Variants in ANKRD44 observed in about 807,000 individuals in gnomAD.
ANKRD44 encodes the protein ankyrin repeat domain 44.
In ANKRD44, 35 loss-of-function variants were observed where a neutral mutation model predicts 116.0. That is an observed-to-expected ratio of 0.30 (90% CI 0.23 to 0.40). ANKRD44 has a LOEUF of 0.40. Among genes scored for constraint, ANKRD44 ranks in the 10% least tolerant of loss-of-function variants. The probability of loss-of-function intolerance (pLI) is 1.00; values close to 1 mark genes in which losing one functional copy is unlikely to be tolerated. For synonymous variants in ANKRD44, 435 were observed against 461.8 expected (o/e 0.94, Z 0.74); for missense variants, 1,014 against 1,242.6 (o/e 0.82, Z 2.77).
chr2:196,984,536 T>A, downstream of ANKRD44, among the ~76,000 whole-genome samples: 1 of 152,200 alleles, frequency 6.6e-6, no homozygotes, highest in South Asian at 2.1e-4. Flanking sequence ...CTGGAACACA[T>A]TAAGTGTGTT....
chr2:197,308,550 T>G (rs2084143994), intron 1 of ANKRD44, among the ~76,000 whole-genome samples: 1 of 152,152 alleles, frequency 6.6e-6, no homozygotes, highest in African/African-American at 2.4e-5. Flanking sequence ...GACTGGACAT[T>G]TTCAGAAGTT....
Position 197,098,316 on chromosome 2 carries a change from G to A in ANKRD44, c.1100+1500C>T, listed in dbSNP as rs1156373266. ...CATTATATCCTACCAATCTACCAGAGTGCTTCACAAAATTCATTTTAAGTC... is the reference window on the plus strand; with the variant it reads ...CATTATATCCTACCAATCTACCAGAATGCTTCACAAAATTCATTTTAAGTC... On this transcript the variant is annotated intron_variant, in intron 10 of 27. Transcript: ENST00000282272. Among the ~76,000 whole-genome samples, 7 of 152,174 alleles carry A rather than the reference G, an allele frequency of 4.6e-5. No individual in the cohort carries two copies. In the East Asian group the frequency reaches 1.2e-3, roughly 25 times the overall value.
intron 16 of ANKRD44, among the ~76,000 whole-genome samples, chr2:197,054,281 T>A (rs974032765): frequency 6.6e-6 from 1 of 152,170 alleles, no homozygotes; most frequent in African/African-American, 2.4e-5. Flanking sequence ...AAATTTATGA[T>A]CAACAAAGAA....
intron 16 of ANKRD44, among the ~76,000 whole-genome samples, chr2:197,037,572 T>C (rs2076831185): frequency 1.3e-5 from 2 of 152,250 alleles, no homozygotes; most frequent in Non-Finnish European, 2.9e-5. Context: ...ATTTGCTTGC[T>C]TGCTTTGACA....
chr2:197,078,219 T>G (rs2077714651), intron 16 of ANKRD44: 1 of 160,310 alleles, frequency 6.2e-6, no homozygotes, highest in Non-Finnish European at 1.4e-5. Flanking sequence ...AGCTGTGTCT[T>G]AAGTATATTT....
intron 3 of ANKRD44, among the ~76,000 whole-genome samples, chr2:197,140,240 C>T (rs2079327691): frequency 6.6e-6 from 1 of 152,130 alleles, no homozygotes; most frequent in African/African-American, 2.4e-5. Context: ...TAAAGTGTGC[C>T]GGTTCACACC....
chr2:197,075,493 T>C (rs1015470482), intron 16 of ANKRD44, among the ~76,000 whole-genome samples: 2 of 152,176 alleles, frequency 1.3e-5, no homozygotes, highest in African/African-American at 2.4e-5. Context: ...CAGCTCTCAG[T>C]ACATGTTTGT....
chr2:197,048,113 T>A (rs955031552), intron 16 of ANKRD44, among the ~76,000 whole-genome samples: 1 of 152,232 alleles, frequency 6.6e-6, no homozygotes, highest in African/African-American at 2.4e-5. Context: ...AAATATTTTA[T>A]GTGAAATTTT....
At chr2:197,064,949 A>G (rs1170984705) in intron 16 of ANKRD44, among the ~76,000 whole-genome samples, 1 of 152,190 alleles carries the variant, frequency 6.6e-6, no homozygotes, top group Non-Finnish European at 1.5e-5. Flanking sequence ...TGCACCAAGC[A>G]GACCTAATAG....
chr2:197,263,426 CT>C, intron 1 of ANKRD44: 1 of 577,776 alleles, frequency 1.7e-6, no homozygotes, highest in Non-Finnish European at 3.2e-6. Flanking sequence ...GCCAGGAACC[CT>C]TCTCTGAAAC....
At chr2:197,129,397 A>G (rs899849138) in intron 4 of ANKRD44, among the ~76,000 whole-genome samples, 2 of 152,078 alleles carry the variant, frequency 1.3e-5, no homozygotes, top group African/African-American at 4.8e-5. Context: ...AGCCTCCCAA[A>G]GTGCTGGGGT....
chr2:197,291,259 G>A (rs1249463453), intron 1 of ANKRD44, among the ~76,000 whole-genome samples: 2 of 151,442 alleles, frequency 1.3e-5, no homozygotes, highest in African/African-American at 2.4e-5. Context: ...CCTGTAATCC[G>A]AGCACTTTGG....
chr2:196,991,673 C>T lies in ANKRD44; in HGVS notation c.2923+1910G>A, dbSNP rs541999603. On this transcript the variant is annotated intron_variant, in intron 27 of 27. Transcript: ENST00000282272. ...TTGATTTTACTACAGCCTTGTCTTC[C>T]GGGCTCAAGCAATCCTCCCACCTCA... is the stretch of plus-strand genomic sequence containing the variant. 3.6e-4 allele frequency among the ~76,000 whole-genome samples: 55 copies of T among 152,044 alleles called. 1 individual carries two copies. In the South Asian group the frequency reaches 9.8e-3, roughly 27 times the overall value.
At chr2:197,139,342 A>G (rs1283758141) in intron 3 of ANKRD44, among the ~76,000 whole-genome samples, 1 of 152,254 alleles carries the variant, frequency 6.6e-6, no homozygotes, top group Non-Finnish European at 1.5e-5. Context: ...GGAAAGGAAC[A>G]GACTGAAGTT....
intron 16 of ANKRD44, among the ~76,000 whole-genome samples, chr2:197,062,858 G>A (rs985632181): frequency 3.0e-4 from 46 of 152,234 alleles, no homozygotes; most frequent in Admixed American, 5.2e-4. Flanking sequence ...AGCTCAAGGA[G>A]GCCTGCCTGC....
At chr2:197,259,621 T>C (rs1026208046) in intron 1 of ANKRD44, among the ~76,000 whole-genome samples, 35 of 152,262 alleles carry the variant, frequency 2.3e-4, no homozygotes, top group African/African-American at 8.4e-4. Context: ...GTCCTCCAAC[T>C]CATAGTCATT....
At chr2:197,076,456 G>A (rs1302782583) in intron 16 of ANKRD44, among the ~76,000 whole-genome samples, 1 of 152,070 alleles carries the variant, frequency 6.6e-6, no homozygotes, top group Admixed American at 6.6e-5. Context: ...ATGAGAAAAA[G>A]CATCCCCCTC....
intron 16 of ANKRD44, among the ~76,000 whole-genome samples, chr2:197,051,771 C>T (rs181175828): frequency 3.9e-5 from 6 of 152,144 alleles, no homozygotes; most frequent in South Asian, 2.1e-4. Flanking sequence ...GGCATTGTAA[C>T]CCCTAGGGGA....
chr2:197,011,526 G>A (rs927906269), intron 18 of ANKRD44, among the ~76,000 whole-genome samples: 1 of 150,630 alleles, frequency 6.6e-6, no homozygotes, highest in East Asian at 2.0e-4. Context: ...AGGCTGGAGT[G>A]CAGTGGCGTG....
Sources: gnomAD v4.1 joint callset for allele counts (sites outside exome capture counted in the v4.1 genomes callset) on GRCh38, gnomAD v4.1.1 for gene constraint, MANE v1.5 for transcripts, NCBI Gene and HGNC (gene_info 2026-07-23, HGNC 2026-07-21) for gene names.